RC3H1: variants seen among roughly 807,000 people sequenced by gnomAD.
RC3H1 encodes the protein ring finger and CCCH-type domains 1.
Under a neutral mutation model 138.2 loss-of-function variants are expected in RC3H1, and 50 were observed. That is an observed-to-expected ratio of 0.36 (90% CI 0.29 to 0.46). RC3H1 has a LOEUF of 0.46. Among genes scored for constraint, RC3H1 ranks in the 20% least tolerant of loss-of-function variants. The pLI is 1.00. For missense variants in RC3H1, 1,031 were observed against 1,388.1 expected, an observed-to-expected ratio of 0.74 and a Z score of 4.09; for synonymous variants, 462 against 489.1, an observed-to-expected ratio of 0.94 and a Z score of 0.73.
Position 173,987,517 on chromosome 1 carries a change from C to A in RC3H1, c.232-2898G>T, listed in dbSNP as rs1392635641. 2.0e-5 allele frequency among the ~76,000 whole-genome samples: 3 copies of A among 152,130 alleles called. No homozygotes were observed. In the East Asian group the frequency reaches 5.8e-4, roughly 29 times the overall value. On this transcript the variant is annotated intron_variant, in intron 2 of 19. Coordinates refer to ENST00000367696, the MANE Select transcript of RC3H1 (RefSeq NM_172071.4). ...TGTTTTGAATACTTCTCTATACTTTCCAGTGCTACAAGCTACTCCAGACTC... is the reference window on the plus strand; with the variant it reads ...TGTTTTGAATACTTCTCTATACTTTACAGTGCTACAAGCTACTCCAGACTC...
Position 173,933,056 on chromosome 1 carries a change from T to C in RC3H1, c.*5665A>G, listed in dbSNP as rs531996885. On this transcript the variant is annotated 3_prime_UTR_variant, in exon 20 of 20. Transcript: ENST00000367696. The stretch of plus-strand genomic sequence containing the variant: ...ATACAAGAAAACAAGTCACCTTATC[T>C]AGTATAAAATAAACATTAGGATAAC... 35 of 152,078 alleles carry C rather than the reference T, an allele frequency of 2.3e-4. No individual in the cohort carries two copies. In the East Asian group the frequency reaches 5.8e-3, roughly 25 times the overall value. 9.4% of individuals were successfully genotyped at this position (152,078 alleles called of 1,614,324 possible). A position where few individuals can be genotyped will look rare whatever the true frequency, so the allele number is the denominator to read the frequency against.
At chr1:173,945,033 T>C (rs1359278564) in intron 17 of RC3H1, among the ~76,000 whole-genome samples, 1 of 152,176 alleles carries the variant, frequency 6.6e-6, no homozygotes, top group Non-Finnish European at 1.5e-5. Flanking sequence ...TCTTCAGTTT[T>C]CCATATTCAA....
chr1:173,965,304 T>C (rs12062801), intron 9 of RC3H1, among the ~76,000 whole-genome samples, 184 bp from the exon 10 acceptor site: 6 of 152,040 alleles, frequency 3.9e-5, no homozygotes, highest in Non-Finnish European at 7.4e-5. Flanking sequence ...CATAAAAATG[T>C]GTAACATAGG....
intron 2 of RC3H1, among the ~76,000 whole-genome samples, chr1:173,985,608 AATCC>A (rs1322364376): frequency 6.6e-6 from 1 of 152,158 alleles, no homozygotes; most frequent in Non-Finnish European, 1.5e-5. Context: ...TTAATTAACA[AATCC>A]ATCACCTCAC....
At position 173,982,868 on chromosome 1, in the gene RC3H1, C is replaced by G; in HGVS notation, c.627G>C (p.Leu209=). Residue 209 remains leucine (L), a synonymous_variant, in exon 5 of 20, where the codon CTG becomes CTC. Coordinates refer to ENST00000367696, the MANE Select transcript of RC3H1 (RefSeq NM_172071.4). The stretch of plus-strand genomic sequence containing the variant: ...ACAAAGCAGAACCATCTTCTAAGGC[C>G]AGCAGAACCAACTTTAAAGCTTCCT... The part of the protein sequence containing the change: ...MQEEALKLVL[L]ALEDGSALSR... 1 of 1,612,010 alleles carries G rather than the reference C, an allele frequency of 6.2e-7. No homozygotes were observed.
chr1:174,019,441 C>A (rs1661918975), intron 1 of RC3H1, among the ~76,000 whole-genome samples: 1 of 152,154 alleles, frequency 6.6e-6, no homozygotes, highest in East Asian at 1.9e-4. Flanking sequence ...ATTATGTGAT[C>A]TTTTTGCTGG....
chr1:173,932,519 T>C lies in RC3H1; in HGVS notation c.*6202A>G. 1 of 152,086 alleles carries C rather than the reference T, an allele frequency of 6.6e-6. No individual in the cohort carries two copies. Among genetic ancestry groups the C allele is most frequent in the Non-Finnish European group, 1.5e-5 (1 of 67,986 alleles). 9.4% of individuals were successfully genotyped at this position (152,086 alleles called of 1,614,324 possible). A position where few individuals can be genotyped will look rare whatever the true frequency, so the allele number is the denominator to read the frequency against. ...TCATAAAGAAAGATAATGAGACCTG[T>C]GGACTAATTAATTTTTTTAAAAAAG... On this transcript the variant is annotated 3_prime_UTR_variant, in exon 20 of 20. Transcript: ENST00000367696.
chr1:174,002,087 TCTC>T (rs1420448101), intron 1 of RC3H1, among the ~76,000 whole-genome samples: 1 of 152,160 alleles, frequency 6.6e-6, no homozygotes, highest in Non-Finnish European at 1.5e-5. Flanking sequence ...AAAGTTGACA[TCTC>T]CTTCTTAATC....
chr1:173,955,040 C>A (rs1659571988), intron 13 of RC3H1, among the ~76,000 whole-genome samples: 1 of 151,616 alleles, frequency 6.6e-6, no homozygotes, highest in Admixed American at 6.6e-5. Context: ...TCCTGGCTAA[C>A]ACGGTGAAAC....
At chr1:174,008,334 C>T (rs1661688055) in intron 1 of RC3H1, among the ~76,000 whole-genome samples, 1 of 152,038 alleles carries the variant, frequency 6.6e-6, no homozygotes, top group African/African-American at 2.4e-5. Flanking sequence ...AGAATTCAAA[C>T]TATTTCCAGA....
intron 1 of RC3H1, among the ~76,000 whole-genome samples, chr1:174,009,763 G>A (rs189252976): frequency 6.5e-4 from 99 of 152,246 alleles, no homozygotes; most frequent in African/African-American, 2.0e-3. Context: ...ACTTGAACCC[G>A]GGAGGCAGAG....
intron 8 of RC3H1, 66 bp from the exon 9 acceptor site, chr1:173,970,683 G>A (rs1660320053): frequency 5.0e-6 from 5 of 993,244 alleles, no homozygotes; most frequent in Non-Finnish European, 7.7e-6. Context: ...ATTTTGTGTT[G>A]TCATTTTAGG....
intron 2 of RC3H1, among the ~76,000 whole-genome samples, chr1:173,985,085 C>T (rs1660969863): frequency 6.6e-6 from 1 of 152,196 alleles, no homozygotes; most frequent in African/African-American, 2.4e-5. Flanking sequence ...TCTTTTCTGA[C>T]TTACTTCTTT....
intron 1 of RC3H1, among the ~76,000 whole-genome samples, chr1:173,999,378 CAA>C (rs11299661): frequency 8.8e-4 from 97 of 110,164 alleles, no homozygotes; most frequent in Middle Eastern, 4.7e-3. Flanking sequence ...AAAACTCCAC[CAA>C]AAAAAAAAAA....
chr1:173,980,887 T>A lies in RC3H1; in HGVS notation c.891A>T (p.Arg297=), dbSNP rs1660785061. 6.2e-7 allele frequency: 1 copy of A among 1,614,048 alleles called. No homozygotes were observed. The highest frequency in any genetic ancestry group is 1.3e-5 in the African/African-American group (1 of 74,932). The part of the protein sequence containing the change: ...IVQIAMEAGL[R]IAPDQWSSLL... The stretch of plus-strand genomic sequence containing the variant: ...AAGAGGACCACTGGTCCGGTGCAAT[T>A]CGTAAGCCTGCTTCCATAGCAATCT... The change falls in exon 6 of 20, where the codon CGA becomes CGT. Residue 297 remains arginine, a synonymous_variant. Transcript: ENST00000367696.
Position 173,983,413 on chromosome 1 carries a change from T to C in RC3H1, c.592+5A>G, listed in dbSNP as rs750650997. Reference sequence around the variant, plus strand: ...CAGAATAAATACCTAAAGTTAATTATGTACCTGGTCCAAGGAACTGGCATC... The same window carrying C: ...CAGAATAAATACCTAAAGTTAATTACGTACCTGGTCCAAGGAACTGGCATC... On this transcript the variant is annotated splice_donor_5th_base_variant and intron_variant, in intron 4 of 19. Coordinates refer to ENST00000367696, the MANE Select transcript of RC3H1 (RefSeq NM_172071.4). The C allele has an allele frequency of 1.9e-6, 3 of 1,613,862 alleles. No individual in the cohort carries two copies. Among genetic ancestry groups the C allele is most frequent in the South Asian group, 1.1e-5 (1 of 91,076 alleles).
chr1:173,952,426 A>G (rs975620800), intron 13 of RC3H1, among the ~76,000 whole-genome samples: 2 of 113,150 alleles, frequency 1.8e-5, no homozygotes, highest in Non-Finnish European at 1.7e-5. Context: ...AAAAAAAGGT[A>G]TTTCAATATC....
Position 174,017,783 on chromosome 1 carries a change from C to CAAAAAAAAAAAAAAAAAAAAAAA in RC3H1, c.-151+4290_-151+4312dup, listed in dbSNP as rs61239660. Among the ~76,000 whole-genome samples, 18 of 72,032 alleles carry CAAAAAAAAAAAAAAAAAAAAAAA rather than the reference C, an allele frequency of 2.5e-4. 2 individuals are homozygous for CAAAAAAAAAAAAAAAAAAAAAAA. The highest frequency in any genetic ancestry group is 8.6e-4 in the African/African-American group (15 of 17,528). 47.3% of individuals were successfully genotyped at this position (72,032 alleles called of 152,430 possible). A position where few individuals can be genotyped will look rare whatever the true frequency, so the allele number is the denominator to read the frequency against. On this transcript the variant is annotated intron_variant, in intron 1 of 19. Coordinates refer to ENST00000367696, the MANE Select transcript of RC3H1 (RefSeq NM_172071.4). ...ACCCCTTTAGAACTCTTTTCTTGCT[C>CAAAAAAAAAAAAAAAAAAAAAAA]AAAAAAAAAAAAAAAAAAAAAAAAA...
chr1:173,964,876 G>T lies in RC3H1; in HGVS notation c.1579C>A (p.His527Asn). ...GATCCAGGAGCACTACTGCTCAGAT[G>T]ATCTATTTTTCCTGGTTTCAGACTA... The part of the protein sequence containing the change: ...DSSLKPGKID[H>N]LSSSAPGSPP... The change falls in exon 10 of 20, where the codon CAT (histidine) becomes AAT (asparagine). Residue 527 changes from histidine (H) to asparagine (N), a missense_variant. By Grantham distance (68) the His-to-Asn change is moderately conservative (BLOSUM62 1). Transcript: ENST00000367696. 1 of 1,614,128 alleles carries T rather than the reference G, an allele frequency of 6.2e-7. No individual in the cohort carries two copies. The highest frequency in any genetic ancestry group is 8.5e-7 in the Non-Finnish European group (1 of 1,180,022).
Sources: gnomAD v4.1 joint callset for allele counts (sites outside exome capture counted in the v4.1 genomes callset) on GRCh38, gnomAD v4.1.1 for gene constraint, MANE v1.5 for transcripts, NCBI Gene and HGNC (gene_info 2026-07-23, HGNC 2026-07-21) for gene names.